Variants in NBEA observed in about 807,000 individuals in gnomAD.
NBEA encodes lysosomal-trafficking regulator 2.
Under a neutral mutation model 343.4 loss-of-function variants are expected in NBEA, and 44 were observed. That is an observed-to-expected ratio of 0.13 (90% CI 0.10 to 0.16). NBEA has a LOEUF of 0.16. NBEA is among the 10% of genes least tolerant of loss of function. The probability of loss-of-function intolerance (pLI) is 1.00; values close to 1 mark genes in which losing one functional copy is unlikely to be tolerated. For synonymous variants in NBEA, 1,175 were observed against 1,238.7 expected, an observed-to-expected ratio of 0.95 and a Z score of 1.08; for missense variants, 2,555 against 3,631.3, an observed-to-expected ratio of 0.70 and a Z score of 7.62.
chr13:35,271,518 G>T (rs2034147376), intron 34 of NBEA, among the ~76,000 whole-genome samples: 1 of 152,210 alleles, frequency 6.6e-6, no homozygotes, highest in South Asian at 2.1e-4. Context: ...TTGACGAGTT[G>T]ACAGAAGTAG....
At chr13:35,614,715 A>G (rs552751509) in intron 48 of NBEA, among the ~76,000 whole-genome samples, 1 of 152,284 alleles carries the variant, frequency 6.6e-6, no homozygotes, top group East Asian at 1.9e-4. Flanking sequence ...CCAGGTTAAC[A>G]CTTCTTCTTA....
At chr13:35,265,139 G>T (rs534005653) in intron 34 of NBEA, among the ~76,000 whole-genome samples, 2 of 151,892 alleles carry the variant, frequency 1.3e-5, no homozygotes, top group Admixed American at 1.3e-4. Flanking sequence ...ATTTGCAATT[G>T]CAATGTTTCC....
intron 10 of NBEA, among the ~76,000 whole-genome samples, chr13:35,092,456 C>A (rs2065136030): frequency 6.6e-6 from 1 of 151,866 alleles, no homozygotes; most frequent in African/African-American, 2.4e-5. Context: ...AAGATAACAG[C>A]AAATTGCTTA....
chr13:35,489,141 G>T (rs959936300), intron 41 of NBEA, among the ~76,000 whole-genome samples: 1 of 151,240 alleles, frequency 6.6e-6, no homozygotes, highest in Admixed American at 6.6e-5. Flanking sequence ...TGACATCTAG[G>T]CAATAAAAGA....
chr13:35,627,749 T>C (rs1440794442), intron 48 of NBEA, among the ~76,000 whole-genome samples: 1 of 152,170 alleles, frequency 6.6e-6, no homozygotes, highest in Non-Finnish European at 1.5e-5. Context: ...ATTTAAATTA[T>C]TTTTCTTTTA....
At chr13:35,225,314 C>T (rs753875938) in intron 33 of NBEA, among the ~76,000 whole-genome samples, 4 of 152,080 alleles carry the variant, frequency 2.6e-5, no homozygotes, top group Non-Finnish European at 4.4e-5. Context: ...CCTTCCCCTC[C>T]CTCAGAGTAG....
intron 10 of NBEA, among the ~76,000 whole-genome samples, chr13:35,081,397 A>G (rs888593945): frequency 6.6e-6 from 1 of 152,304 alleles, no homozygotes; most frequent in Middle Eastern, 3.4e-3. Flanking sequence ...ATTAAATTTT[A>G]TATGACAGCT....
At chr13:35,083,368 G>A (rs2064533699) in intron 10 of NBEA, among the ~76,000 whole-genome samples, 2 of 151,856 alleles carry the variant, frequency 1.3e-5, no homozygotes, top group Admixed American at 1.3e-4. Flanking sequence ...TCCAGGGTCG[G>A]GTTACCCACA....
intron 43 of NBEA, among the ~76,000 whole-genome samples, chr13:35,552,537 G>A (rs2079378515): frequency 6.6e-6 from 1 of 152,134 alleles, no homozygotes. Context: ...TTGAATCTAA[G>A]CTGACTCATA....
In NBEA at chr13:35,232,721, A is replaced by C. The variant is rs1463013858; in HGVS notation, c.5776+102A>C. The C allele has an allele frequency of 4.5e-6, 4 of 895,984 alleles. No individual in the cohort carries two copies. In the African/African-American group the frequency reaches 7.0e-5, roughly 16 times the overall value. 55.5% of individuals were successfully genotyped at this position (895,984 alleles called of 1,614,324 possible). A position where few individuals can be genotyped will look rare whatever the true frequency, so the allele number is the denominator to read the frequency against. On this transcript the variant is annotated intron_variant, in intron 34 of 58. Transcript: ENST00000379939. ...GGAATATATATTTCCAAAAGAATGT[A>C]AAGGCATTACTTCACAAATTCTAAT...
intron 48 of NBEA, among the ~76,000 whole-genome samples, chr13:35,607,248 G>T (rs188623067): frequency 1.1e-3 from 168 of 152,142 alleles, no homozygotes; most frequent in African/African-American, 3.8e-3. Flanking sequence ...GGTAAGATAG[G>T]ATCTCACTAT....
At chr13:35,607,659 C>T (rs2082331813) in intron 48 of NBEA, among the ~76,000 whole-genome samples, 1 of 152,136 alleles carries the variant, frequency 6.6e-6, no homozygotes, top group Non-Finnish European at 1.5e-5. Context: ...ATAAGGTCCA[C>T]ACATTGTGAG....
At chr13:35,399,194 G>A (rs2042884294) in intron 38 of NBEA, among the ~76,000 whole-genome samples, 1 of 152,158 alleles carries the variant, frequency 6.6e-6, no homozygotes, top group Non-Finnish European at 1.5e-5. Flanking sequence ...TTAAGGAAAT[G>A]TTGTGACTGT....
chr13:35,596,998 G>A (rs1190716686), intron 47 of NBEA, among the ~76,000 whole-genome samples: 1 of 152,030 alleles, frequency 6.6e-6, no homozygotes, highest in Non-Finnish European at 1.5e-5. Flanking sequence ...ATTTCACTAG[G>A]AAGCCATAAA....
chr13:35,115,259 A>G (rs1165495937), intron 13 of NBEA, among the ~76,000 whole-genome samples: 2 of 152,100 alleles, frequency 1.3e-5, no homozygotes, highest in African/African-American at 2.4e-5. Flanking sequence ...AGGTGTTTCA[A>G]AGCTTTATTT....
chr13:35,517,279 C>T (rs1018120599), intron 41 of NBEA, among the ~76,000 whole-genome samples: 2 of 152,228 alleles, frequency 1.3e-5, no homozygotes, highest in Non-Finnish European at 1.5e-5. Context: ...CACCTCCATT[C>T]TCTGCCATAG....
intron 34 of NBEA, among the ~76,000 whole-genome samples, chr13:35,256,379 C>A (rs73489530): frequency 0.041 from 6,244 of 152,218 alleles, 261 homozygotes; most frequent in East Asian, 0.15. Flanking sequence ...GAAGCTCATG[C>A]TGACTGGTCT....
At chr13:35,111,150 A>G (rs1379101869) in intron 13 of NBEA, among the ~76,000 whole-genome samples, 172 bp downstream of exon 13, 1 of 152,186 alleles carries the variant, frequency 6.6e-6, no homozygotes, top group Admixed American at 6.5e-5. Flanking sequence ...GGGCTTTTCA[A>G]TATTAAATTA....
intron 38 of NBEA, among the ~76,000 whole-genome samples, chr13:35,380,343 G>A (rs1250332628): frequency 2.0e-5 from 3 of 152,040 alleles, no homozygotes; most frequent in African/African-American, 7.2e-5. Context: ...TACTCTGGAG[G>A]CTGAGACAGG....
Sources: allele counts gnomAD v4.1 joint callset (sites outside exome capture counted in the v4.1 genomes callset), GRCh38; gene constraint gnomAD v4.1.1; transcripts MANE v1.5; gene names NCBI Gene and HGNC (gene_info 2026-07-23, HGNC 2026-07-21).